Variants in SERAC1 observed in about 807,000 individuals in gnomAD.
SERAC1 encodes protein SERAC1.
Under a neutral mutation model 85.7 loss-of-function variants are expected in SERAC1, and 36 were observed. The ratio of observed to expected loss-of-function variants is 0.42; its 90% confidence interval spans 0.32 to 0.55. The LOEUF is 0.55. Ranked by LOEUF, SERAC1 falls within the 20% of genes least tolerant of loss-of-function variation. SERAC1 has a pLI of 0.11. For synonymous variants in SERAC1, 242 were observed against 265.3 expected, an observed-to-expected ratio of 0.91 and a Z score of 0.85; for missense variants, 629 against 796.2, an observed-to-expected ratio of 0.79 and a Z score of 2.53.
At chr6:158,165,565 C>T (rs987388330) in intron 1 of SERAC1, among the ~76,000 whole-genome samples, 7 of 152,262 alleles carry the variant, frequency 4.6e-5, no homozygotes, top group Admixed American at 2.0e-4. Context: ...GTCCAACAGG[C>T]CTTTCATACT....
intron 8 of SERAC1, 59 bp downstream of exon 8, chr6:158,142,997 C>A: frequency 1.4e-6 from 2 of 1,382,418 alleles, no homozygotes; most frequent in Non-Finnish European, 2.0e-6. Context: ...GCCACTGACA[C>A]AATACATTGG....
chr6:158,129,081 G>A (rs1017679265), intron 9 of SERAC1, among the ~76,000 whole-genome samples: 1 of 152,054 alleles, frequency 6.6e-6, no homozygotes, highest in Non-Finnish European at 1.5e-5. Flanking sequence ...TAAATATACT[G>A]TATATCAAGT....
Position 158,117,386 on chromosome 6 carries a change from T to G in SERAC1, c.1403+341A>C. On this transcript the variant is annotated intron_variant, in intron 13 of 16. Transcript: ENST00000647468. The surrounding 1 kb of genome is among the most constrained non-coding windows in gnomAD (Gnocchi z 4.3). ...TCTCAGCATCTTTCTCTTTGCTTCC[T>G]TTAGCCAGTATGATTGTGGACACAA... is the stretch of plus-strand genomic sequence containing the variant. 1 of 815,978 alleles carries G rather than the reference T, an allele frequency of 1.2e-6. No homozygotes were observed. 50.5% of individuals were successfully genotyped at this position (815,978 alleles called of 1,614,324 possible).
At chr6:158,129,902 G>A (rs1043212954) in intron 9 of SERAC1, among the ~76,000 whole-genome samples, 1 of 151,960 alleles carries the variant, frequency 6.6e-6, no homozygotes, top group Admixed American at 6.6e-5. Context: ...CACCATGTTG[G>A]CCAGGCTGGT....
intron 16 of SERAC1, 174 bp from the exon 17 acceptor site, chr6:158,111,676 T>C (rs1784147210): frequency 2.0e-6 from 1 of 494,392 alleles, no homozygotes; most frequent in Non-Finnish European, 3.5e-6. Context: ...TGATGAAACA[T>C]GCAGGAAGGG....
intron 10 of SERAC1, among the ~76,000 whole-genome samples, chr6:158,126,703 G>A (rs1403944743): frequency 6.6e-6 from 1 of 152,296 alleles, no homozygotes; most frequent in East Asian, 1.9e-4. Context: ...TTGCAAGAGG[G>A]AAAATCATTA....
At position 158,143,155 on chromosome 6, in the gene SERAC1, C is replaced by G. The variant is rs751912884; in HGVS notation, c.639G>C (p.Gln213His). Reference sequence around the variant, plus strand: ...CTGTTTGAGGTAAGGAAGCCAGCAACTGTCTGAGCTCTTCTTCAGTGGAAG... The same window carrying G: ...CTGTTTGAGGTAAGGAAGCCAGCAAGTGTCTGAGCTCTTCTTCAGTGGAAG... The part of the protein sequence containing the change: ...EDSSTEEELR[Q>H]LLASLPQTEL... The change falls in exon 8 of 17, where the codon CAG (glutamine) becomes CAC (histidine). Residue 213 changes from glutamine to histidine, a missense_variant. Transcript: ENST00000647468. 6.2e-7 allele frequency: 1 copy of G among 1,613,670 alleles called. No homozygotes were observed. Among genetic ancestry groups the G allele is most frequent in the Non-Finnish European group, 8.5e-7 (1 of 1,179,752 alleles).
chr6:158,130,003 T>G (rs1047704412), intron 9 of SERAC1, among the ~76,000 whole-genome samples: 1 of 152,214 alleles, frequency 6.6e-6, no homozygotes, highest in African/African-American at 2.4e-5. Flanking sequence ...GCCTGTTTTT[T>G]CTTTTATCCT....
At chr6:158,165,861 T>A (rs1311214814) in intron 1 of SERAC1, among the ~76,000 whole-genome samples, 1 of 152,184 alleles carries the variant, frequency 6.6e-6, no homozygotes, top group African/African-American at 2.4e-5. Flanking sequence ...CAAGCCAACA[T>A]CATCTCTCAT....
In SERAC1 at chr6:158,141,129, C is replaced by G. The variant is rs1784905471; in HGVS notation, c.738+1927G>C. On this transcript the variant is annotated intron_variant, in intron 8 of 16. Coordinates refer to ENST00000647468, the MANE Select transcript of SERAC1 (RefSeq NM_032861.4). Reference sequence around the variant, plus strand: ...CTTGGCCATAAAAAGGAATGAAGCACTGATATGCCACAGTGTGGCTGAGCC... The same window carrying G: ...CTTGGCCATAAAAAGGAATGAAGCAGTGATATGCCACAGTGTGGCTGAGCC... Among the ~76,000 whole-genome samples, 1 of 152,218 alleles carries G rather than the reference C, an allele frequency of 6.6e-6. No homozygotes were observed. Among genetic ancestry groups the G allele is most frequent in the African/African-American group, 2.4e-5 (1 of 41,454 alleles).
chr6:158,129,563 G>A (rs970348483), intron 9 of SERAC1, among the ~76,000 whole-genome samples: 1 of 152,066 alleles, frequency 6.6e-6, no homozygotes, highest in African/African-American at 2.4e-5. Flanking sequence ...TACAAGGTTT[G>A]TTGCTTTTTT....
At chr6:158,145,668 G>A (rs753803023) in intron 6 of SERAC1, among the ~76,000 whole-genome samples, 12 of 151,624 alleles carry the variant, frequency 7.9e-5, no homozygotes, top group Non-Finnish European at 1.8e-4. Context: ...ACAAGCACAC[G>A]TCACCATGCC....
At chr6:158,112,404 C>T (rs187483632) in intron 16 of SERAC1, 6 of 151,994 alleles carry the variant, frequency 3.9e-5, no homozygotes, top group Admixed American at 3.9e-4. Context: ...CAAAGTGAGA[C>T]CCTGTCTCTT....
intron 8 of SERAC1, among the ~76,000 whole-genome samples, chr6:158,138,602 T>G (rs844140): frequency 0.88 from 133,247 of 152,064 alleles, 58,503 homozygotes; most frequent in East Asian, 1. Context: ...GTGCAGGAGA[T>G]AATTTAGTGA....
intron 2 of SERAC1, among the ~76,000 whole-genome samples, chr6:158,156,957 TAA>T (rs1785364531): frequency 7.2e-6 from 1 of 139,080 alleles, no homozygotes; most frequent in Non-Finnish European, 1.5e-5. Context: ...TATATTTATA[TAA>T]ATATTAATAT....
At chr6:158,135,535 A>G (rs755182649) in intron 8 of SERAC1, among the ~76,000 whole-genome samples, 14 of 152,142 alleles carry the variant, frequency 9.2e-5, no homozygotes, top group Non-Finnish European at 1.6e-4. Context: ...TTCATCTCAA[A>G]AAAAAAGCTG....
chr6:158,167,162 G>A (rs892925229), intron 1 of SERAC1, among the ~76,000 whole-genome samples: 1 of 141,904 alleles, frequency 7.0e-6, no homozygotes, highest in African/African-American at 2.6e-5. Flanking sequence ...TTGAGGGATA[G>A]AAAGAGGGAA....
intron 6 of SERAC1, 144 bp from the exon 7 acceptor site, chr6:158,144,564 A>C: frequency 3.0e-6 from 2 of 656,470 alleles, no homozygotes; most frequent in South Asian, 2.3e-5. Flanking sequence ...GTGCAACTAC[A>C]TTTACAACAC....
In SERAC1 at chr6:158,150,397, T is replaced by A. The variant is rs1016913262; in HGVS notation, c.265+56A>T. The A allele has an allele frequency of 2.0e-5, 28 of 1,380,880 alleles. No individual in the cohort carries two copies. The Admixed American group carries it at 5.4e-4, about 27-fold the overall frequency. 85.5% of individuals were successfully genotyped at this position (1,380,880 alleles called of 1,614,324 possible). A position where few individuals can be genotyped will look rare whatever the true frequency, so the allele number is the denominator to read the frequency against. On this transcript the variant is annotated intron_variant, in intron 4 of 16. Coordinates refer to ENST00000647468, the MANE Select transcript of SERAC1 (RefSeq NM_032861.4). ...ACTGTGTTTTAAATAGACGCATTTT[T>A]AAATGCAATAACTAGCTTCCATTTT...
Sources: gnomAD v4.1 joint callset for allele counts (sites outside exome capture counted in the v4.1 genomes callset) on GRCh38, gnomAD v4.1.1 for gene constraint, Gnocchi (gnomAD v3.1) non-coding constraint, MANE v1.5 for transcripts, NCBI Gene and HGNC (gene_info 2026-07-23, HGNC 2026-07-21) for gene names.